Variants in TMEM242 observed in about 807,000 individuals in gnomAD.
TMEM242 encodes transmembrane protein 242.
Under a neutral mutation model 18.2 loss-of-function variants are expected in TMEM242, and 10 were observed. That is an observed-to-expected ratio of 0.55 (90% CI 0.34 to 0.93). The LOEUF is 0.93. Ranked by LOEUF, TMEM242 falls within the 40% of genes least tolerant of loss-of-function variation. TMEM242 has a pLI of 0.02. For synonymous variants in TMEM242, 57 were observed against 69.9 expected, an observed-to-expected ratio of 0.81 and a Z score of 0.92; for missense variants, 186 against 175.5, an observed-to-expected ratio of 1.06 and a Z score of -0.34.
intron 3 of TMEM242, among the ~76,000 whole-genome samples, chr6:157,311,236 G>C (rs201365521): frequency 3.3e-4 from 12 of 36,082 alleles, no homozygotes; most frequent in East Asian, 6.5e-4. Flanking sequence ...CCTCATCATA[G>C]TGTCCCAGTG....
At chr6:157,304,053 T>C (rs1360520050) in intron 3 of TMEM242, among the ~76,000 whole-genome samples, 1 of 152,214 alleles carries the variant, frequency 6.6e-6, no homozygotes, top group African/African-American at 2.4e-5. Context: ...AATCACATTT[T>C]TGTTCTTTGA....
intron 3 of TMEM242, among the ~76,000 whole-genome samples, chr6:157,311,230 A>ATGATAGTG (rs1554248673): frequency 1.8e-5 from 2 of 110,678 alleles, no homozygotes; most frequent in Non-Finnish European, 4.0e-5. Flanking sequence ...ACCTAGCCTC[A>ATGATAGTG]TCATAGTGTC....
chr6:157,323,517 T>C lies in TMEM242; in HGVS notation c.-18A>G, dbSNP rs1426108390. On this transcript the variant is annotated 5_prime_UTR_variant, in exon 1 of 4. Transcript: ENST00000400788. Reference sequence around the variant, plus strand: ...GTCTCCATGTTTAGGTCGCCTCTAGTGCGTCCGTCCCCAACTGGGCCCGGG... The same window carrying C: ...GTCTCCATGTTTAGGTCGCCTCTAGCGCGTCCGTCCCCAACTGGGCCCGGG... The C allele has an allele frequency of 1.9e-6, 3 of 1,608,938 alleles. No individual in the cohort carries two copies. The highest frequency in any genetic ancestry group is 2.5e-6 in the Non-Finnish European group (3 of 1,176,480).
Position 157,312,307 on chromosome 6 carries a change from G to C in TMEM242, c.327+6475C>G, listed in dbSNP as rs1554249206. On this transcript the variant is annotated intron_variant, in intron 3 of 3. Coordinates refer to ENST00000400788, the MANE Select transcript of TMEM242 (RefSeq NM_018452.6). The stretch of plus-strand genomic sequence containing the variant: ...TCAACATAGTGCCCCAGTGTGCGTT[G>C]ATCTGACCTCATTATAGTGCCCCAG... 1.4e-3 allele frequency among the ~76,000 whole-genome samples: 149 copies of C among 105,724 alleles called. 1 individual carries two copies. The highest frequency in any genetic ancestry group is 1.6e-3 in the Admixed American group (17 of 10,846). 69.4% of individuals were successfully genotyped at this position (105,724 alleles called of 152,430 possible).
rs895679730 is a variant in TMEM242 at position 157,318,779 on chromosome 6, T to C, written c.327+3A>G. ...TACCAGGGACAAGACAGTAGTTACT[T>C]ACACTGTGAACTCCTAAAGCTTTCC... On this transcript the variant is annotated splice_donor_region_variant and intron_variant, in intron 3 of 3. Coordinates refer to ENST00000400788, the MANE Select transcript of TMEM242 (RefSeq NM_018452.6). 1 of 1,614,000 alleles carries C rather than the reference T, an allele frequency of 6.2e-7. No individual in the cohort carries two copies. The highest frequency in any genetic ancestry group is 8.5e-7 in the Non-Finnish European group (1 of 1,179,982).
chr6:157,310,564 T>G (rs1554248325), intron 3 of TMEM242, among the ~76,000 whole-genome samples: 13 of 79,950 alleles, frequency 1.6e-4, no homozygotes, highest in East Asian at 8.5e-4. Context: ...AGCCTCATCA[T>G]AGTGCCCCAG....
intron 3 of TMEM242, among the ~76,000 whole-genome samples, chr6:157,296,493 G>C (rs1777751094): frequency 6.6e-6 from 1 of 152,160 alleles, no homozygotes; most frequent in South Asian, 2.1e-4. Context: ...TCGAGACCTG[G>C]CCAACGTGGT....
chr6:157,315,190 C>T (rs782130654), intron 3 of TMEM242, among the ~76,000 whole-genome samples: 20 of 152,218 alleles, frequency 1.3e-4, no homozygotes, highest in Non-Finnish European at 2.5e-4. Context: ...TCAAAACTCT[C>T]TAAACGTTGA....
chr6:157,322,943 T>C lies in TMEM242; in HGVS notation c.89-138A>G, dbSNP rs1338327881. The C allele has an allele frequency of 4.1e-6, 3 of 723,352 alleles. No homozygotes were observed. In the Admixed American group the frequency reaches 8.6e-5, roughly 21 times the overall value. The allele number at this position is 723,352 out of a possible 1,614,324, so 44.8% of individuals were successfully genotyped here. ...CTTTTGAAATTCAAGAAACCATGGCTAAGCAGCTCTTGCTAACAGTAAATG... is the reference window on the plus strand; with the variant it reads ...CTTTTGAAATTCAAGAAACCATGGCCAAGCAGCTCTTGCTAACAGTAAATG... On this transcript the variant is annotated intron_variant, in intron 1 of 3. Coordinates refer to ENST00000400788, the MANE Select transcript of TMEM242 (RefSeq NM_018452.6).
Position 157,317,231 on chromosome 6 carries a change from C to T in TMEM242, c.327+1551G>A, listed in dbSNP as rs1478052440. ...ACTCAAGACTCACCTAGATATACTG[C>T]CTCTGATTCTCCTCTATTCTCTTTT... On this transcript the variant is annotated intron_variant, in intron 3 of 3. Transcript: ENST00000400788. Among the ~76,000 whole-genome samples, 12 of 152,300 alleles carry T rather than the reference C, an allele frequency of 7.9e-5. No homozygotes were observed. In the East Asian group the frequency reaches 1.7e-3, roughly 22 times the overall value.
In TMEM242 at chr6:157,290,393, T is replaced by A. The variant is rs1298880730; in HGVS notation, c.*2508A>T. 1 of 152,158 alleles carries A rather than the reference T, an allele frequency of 6.6e-6. No individual in the cohort carries two copies. Among genetic ancestry groups the A allele is most frequent in the African/African-American group, 2.4e-5 (1 of 41,428 alleles). The allele number at this position is 152,158 out of a possible 1,614,324, so 9.4% of individuals were successfully genotyped here. On this transcript the variant is annotated 3_prime_UTR_variant, in exon 4 of 4. Transcript: ENST00000400788. ...AGTCTGTGAAAAATGTCATCCTGGT[T>A]AATAGGGTGATTAAAACTCTTTATG...
intron 3 of TMEM242, among the ~76,000 whole-genome samples, chr6:157,310,455 C>T (rs1554248287): frequency 4.0e-5 from 6 of 151,128 alleles, no homozygotes; most frequent in Non-Finnish European, 7.4e-5. Flanking sequence ...CTCACCTAGC[C>T]TCATCACAGT....
intron 3 of TMEM242, among the ~76,000 whole-genome samples, chr6:157,317,951 A>G (rs1554250495): frequency 1.3e-5 from 2 of 152,218 alleles, no homozygotes; most frequent in Non-Finnish European, 1.5e-5. Context: ...GGTCCGGTCC[A>G]CAGAACTTCC....
chr6:157,306,120 G>C (rs1777914841), intron 3 of TMEM242, among the ~76,000 whole-genome samples: 1 of 152,180 alleles, frequency 6.6e-6, no homozygotes, highest in Non-Finnish European at 1.5e-5. Context: ...CCTTGTAGAT[G>C]ACGAGGGGCA....
intron 3 of TMEM242, among the ~76,000 whole-genome samples, chr6:157,312,174 CCGGCCTCATCATAG>C (rs1778161428): frequency 6.7e-6 from 1 of 149,014 alleles, no homozygotes; most frequent in Non-Finnish European, 1.5e-5. Context: ...GTGCACTCAC[CCGGCCTCATCATAG>C]TGTCCCAGTG....
At chr6:157,310,761 C>T (rs112776211) in intron 3 of TMEM242, among the ~76,000 whole-genome samples, 16,242 of 129,426 alleles carry the variant, frequency 0.13, 120 homozygotes, top group East Asian at 0.33. Flanking sequence ...CTCACCCGGC[C>T]TCATCATAGG....
intron 3 of TMEM242, among the ~76,000 whole-genome samples, chr6:157,316,079 G>A (rs1778384793): frequency 6.6e-6 from 1 of 152,148 alleles, no homozygotes; most frequent in Non-Finnish European, 1.5e-5. Context: ...GAGACTATTT[G>A]TATTTTCAAA....
At chr6:157,307,086 A>C (rs1388010711) in intron 3 of TMEM242, among the ~76,000 whole-genome samples, 1 of 152,234 alleles carries the variant, frequency 6.6e-6, no homozygotes, top group African/African-American at 2.4e-5. Context: ...TTTGTAAGTG[A>C]CTAATCAATC....
chr6:157,322,600 C>T (rs1778513375), intron 2 of TMEM242, 105 bp downstream of exon 2: 1 of 916,134 alleles, frequency 1.1e-6, no homozygotes, highest in Admixed American at 2.3e-5. Flanking sequence ...AAATTCACAT[C>T]TTAAAGCAAT....
Sources: allele counts gnomAD v4.1 joint callset (sites outside exome capture counted in the v4.1 genomes callset), GRCh38; gene constraint gnomAD v4.1.1; transcripts MANE v1.5; gene names NCBI Gene and HGNC (gene_info 2026-07-23, HGNC 2026-07-21).